PPME1: variants seen among roughly 807,000 people sequenced by gnomAD.
The protein encoded by PPME1 is protein phosphatase methylesterase 1, also known as testicular secretory protein Li 39.
A neutral mutation model predicts 56.9 loss-of-function variants in PPME1; 17 were observed. That is an observed-to-expected ratio of 0.30 (90% CI 0.20 to 0.45). PPME1 has a LOEUF of 0.45. PPME1 is among the 20% of genes least tolerant of loss of function. PPME1 has a pLI of 1.00. For missense variants in PPME1, 357 were observed against 483.2 expected (o/e 0.74, Z 2.45); for synonymous variants, 122 against 156.2 (o/e 0.78, Z 1.63).
At chr11:74,219,150 T>C (rs1858732028) in intron 3 of PPME1, among the ~76,000 whole-genome samples, 1 of 152,014 alleles carries the variant, frequency 6.6e-6, no homozygotes, top group African/African-American at 2.4e-5. Flanking sequence ...ACATCACTGA[T>C]CACCAGAGAA....
intron 1 of PPME1, among the ~76,000 whole-genome samples, chr11:74,191,000 A>G (rs1857822260): frequency 2.0e-5 from 3 of 152,226 alleles, no homozygotes; most frequent in Admixed American, 1.3e-4. Context: ...GCAGCAAAGC[A>G]TTCAAGAGGT....
chr11:74,208,919 C>G (rs1858399686), intron 3 of PPME1, among the ~76,000 whole-genome samples: 1 of 152,100 alleles, frequency 6.6e-6, no homozygotes, highest in Non-Finnish European at 1.5e-5. Context: ...TTATAAGTAG[C>G]TTGGCTATAG....
At position 74,247,032 on chromosome 11, in the gene PPME1, A is replaced by G. The variant is rs777515900; in HGVS notation, c.965-47A>G. 3.3e-6 allele frequency: 5 copies of G among 1,500,156 alleles called. No homozygotes were observed. In the Admixed American group the frequency reaches 8.8e-5, roughly 27 times the overall value. 92.9% of individuals were successfully genotyped at this position (1,500,156 alleles called of 1,614,324 possible). ...AACTTTGTAACACTTTTTACTTAATACGTGAACAGCAAAATCTGTTTCACA... is the reference window on the plus strand; with the variant it reads ...AACTTTGTAACACTTTTTACTTAATGCGTGAACAGCAAAATCTGTTTCACA... On this transcript the variant is annotated intron_variant, in intron 10 of 13. Transcript: ENST00000328257.
In PPME1 at chr11:74,253,496, T is replaced by C. The variant is rs1355250692; in HGVS notation, c.1147T>C (p.Phe383Leu). ...TCTCTTTCTGTTCTTCCACAGTGTG[T>C]TTCCTGGCTGTTAGTGACCTGCTGT... ...AEPIGGFQCV[F>L]PGC Residue 383 changes from phenylalanine to leucine, a missense_variant, in exon 14 of 14, where the codon TTT (phenylalanine) becomes CTT (leucine). Phe to Leu is a conservative substitution (Grantham distance 22). Transcript: ENST00000328257. 5.0e-6 allele frequency: 8 copies of C among 1,608,664 alleles called. No individual in the cohort carries two copies. The highest frequency in any genetic ancestry group is 6.0e-6 in the Non-Finnish European group (7 of 1,175,140).
chr11:74,178,108 A>G (rs781406828), intron 1 of PPME1, among the ~76,000 whole-genome samples: 10 of 152,160 alleles, frequency 6.6e-5, no homozygotes, highest in Admixed American at 1.3e-4. Context: ...TTCATTCAGG[A>G]CCCAGGCTGT....
intron 3 of PPME1, among the ~76,000 whole-genome samples, chr11:74,213,359 C>T (rs1177780290): frequency 6.6e-6 from 1 of 152,166 alleles, no homozygotes. Flanking sequence ...CAATTCCAAG[C>T]CCTGGCTCCT....
chr11:74,208,474 T>C (rs1041211855), intron 3 of PPME1, among the ~76,000 whole-genome samples: 3 of 152,154 alleles, frequency 2.0e-5, no homozygotes, highest in Non-Finnish European at 2.9e-5. Context: ...TTAAATCTAA[T>C]AGGGAAGGTA....
At chr11:74,228,081 A>G (rs960199489) in intron 5 of PPME1, among the ~76,000 whole-genome samples, 1 of 151,896 alleles carries the variant, frequency 6.6e-6, no homozygotes, top group Non-Finnish European at 1.5e-5. Flanking sequence ...ATTGTTCAAG[A>G]ATTATTCTGG....
chr11:74,180,539 C>G (rs1857504880), intron 1 of PPME1, among the ~76,000 whole-genome samples: 1 of 152,162 alleles, frequency 6.6e-6, no homozygotes, highest in East Asian at 1.9e-4. Flanking sequence ...TCAATACCAG[C>G]TTTTAGGTAA....
chr11:74,194,924 A>C (rs947594765), intron 1 of PPME1, among the ~76,000 whole-genome samples: 1 of 152,228 alleles, frequency 6.6e-6, no homozygotes, highest in Middle Eastern at 3.2e-3. Context: ...TCCTGAGATG[A>C]TACTAAATTG....
At chr11:74,198,235 T>C (rs1181986660) in intron 1 of PPME1, among the ~76,000 whole-genome samples, 1 of 152,204 alleles carries the variant, frequency 6.6e-6, no homozygotes. Context: ...TTCATTGCCT[T>C]TGAAAGGTCA....
chr11:74,211,092 A>G (rs1023155140), intron 3 of PPME1, among the ~76,000 whole-genome samples: 2 of 152,236 alleles, frequency 1.3e-5, no homozygotes, highest in Non-Finnish European at 2.9e-5. Context: ...TCCTATTCAT[A>G]AAAGCAACAA....
rs372130420 is a variant in PPME1, at chr11:74,203,710, T to A, written c.102-18T>A. 160 of 1,592,008 alleles carry A rather than the reference T, an allele frequency of 1.0e-4. No individual in the cohort carries two copies. Among genetic ancestry groups the A allele is most frequent in the Middle Eastern group, 3.3e-4 (2 of 6,012 alleles). On this transcript the variant is annotated intron_variant, in intron 1 of 13. Coordinates refer to ENST00000328257, the MANE Select transcript of PPME1 (RefSeq NM_016147.3). ...ATGCATAATTTTTCTGAAATGTCTC[T>A]CTCTTTTTTTTCCTCAGCCCTGGAA...
chr11:74,252,773 A>G lies in PPME1; in HGVS notation c.1143-719A>G, dbSNP rs147690275. 3.3e-3 allele frequency among the ~76,000 whole-genome samples: 497 copies of G among 152,276 alleles called. 1 individual carries two copies. Among genetic ancestry groups the G allele is most frequent in the Admixed American group, 6.7e-3 (102 of 15,300 alleles). On this transcript the variant is annotated intron_variant, in intron 13 of 13. Transcript: ENST00000328257. Reference sequence around the variant, plus strand: ...GCAAAAATTCCCCCTCTATTGGTCTAGAGGAAGAAACAGGGCCAGGTCTCT... The same window carrying G: ...GCAAAAATTCCCCCTCTATTGGTCTGGAGGAAGAAACAGGGCCAGGTCTCT...
At chr11:74,220,720 A>G (rs1443000794) in intron 3 of PPME1, among the ~76,000 whole-genome samples, 3 of 152,212 alleles carry the variant, frequency 2.0e-5, no homozygotes, top group African/African-American at 7.2e-5. Context: ...TCCTACTGCT[A>G]TTGTTGCAGT....
intron 9 of PPME1, among the ~76,000 whole-genome samples, chr11:74,242,772 G>A (rs963342560): frequency 2.6e-5 from 4 of 151,106 alleles, no homozygotes; most frequent in Admixed American, 2.0e-4. Context: ...CCAGCTACTC[G>A]GGAGGCTGAG....
intron 11 of PPME1, chr11:74,250,591 C>T (rs1331163928): frequency 1.6e-5 from 3 of 185,324 alleles, no homozygotes; most frequent in South Asian, 1.4e-4. Context: ...TATGCTCTTA[C>T]AGCCCCATGT....
intron 13 of PPME1, among the ~76,000 whole-genome samples, chr11:74,252,045 T>C (rs79823673): frequency 0.03 from 4,607 of 151,670 alleles, 220 homozygotes; most frequent in African/African-American, 0.1. Context: ...CTAGAGAAGT[T>C]TTCTTTGGCT....
intron 7 of PPME1, 176 bp from the exon 8 acceptor site, chr11:74,235,725 A>T: frequency 3.0e-6 from 3 of 991,106 alleles, no homozygotes; most frequent in Non-Finnish European, 4.2e-6. Context: ...CTTAATTTTT[A>T]CTTATAAAAC....
Sources: allele counts gnomAD v4.1 joint callset (sites outside exome capture counted in the v4.1 genomes callset), GRCh38; gene constraint gnomAD v4.1.1; transcripts MANE v1.5; gene names NCBI Gene and HGNC (gene_info 2026-07-23, HGNC 2026-07-21).